ABHD17C: variants seen among roughly 807,000 people sequenced by gnomAD.
ABHD17C encodes the protein abhydrolase domain containing 17C, depalmitoylase.
In ABHD17C, 11 loss-of-function variants were observed where a neutral mutation model predicts 27.9. That is an observed-to-expected ratio of 0.39 (90% CI 0.25 to 0.65). The LOEUF (loss-of-function observed/expected upper bound fraction) is 0.65, where lower values mean the gene tolerates loss of function less well. Among genes scored for constraint, ABHD17C ranks in the 30% least tolerant of loss-of-function variants. The pLI is 0.45. For missense variants in ABHD17C, 280 were observed against 470.2 expected (o/e 0.60, Z 3.74); for synonymous variants, 233 against 209.1 (o/e 1.11, Z -0.98).
rs540502176 is a variant in ABHD17C, at chr15:80,725,983, G to A, written c.591-23530G>A. ...CAGGGGTCTCACAGCCTTCAGAGCCGAGAGCCCCGAACAGAGATTTACCCA... is the reference window on the plus strand; with the variant it reads ...CAGGGGTCTCACAGCCTTCAGAGCCAAGAGCCCCGAACAGAGATTTACCCA... On this transcript the variant is annotated intron_variant, in intron 1 of 2. Coordinates refer to ENST00000258884, the MANE Select transcript of ABHD17C (RefSeq NM_021214.2). Among the ~76,000 whole-genome samples, 6 of 152,282 alleles carry A rather than the reference G, an allele frequency of 3.9e-5. No homozygotes were observed. In the South Asian group the frequency reaches 8.3e-4, roughly 21 times the overall value.
At chr15:80,712,512 A>T (rs143683679) in intron 1 of ABHD17C, among the ~76,000 whole-genome samples, 1 of 152,326 alleles carries the variant, frequency 6.6e-6, no homozygotes, top group East Asian at 1.9e-4. Flanking sequence ...TATAGAAGAC[A>T]AAGCTTATTT....
At chr15:80,719,218 G>A (rs1324935253) in intron 1 of ABHD17C, among the ~76,000 whole-genome samples, 1 of 152,172 alleles carries the variant, frequency 6.6e-6, no homozygotes, top group Admixed American at 6.5e-5. Flanking sequence ...TAATAACCAG[G>A]AACAACTTTA....
chr15:80,725,382 C>A (rs1384843071), intron 1 of ABHD17C, among the ~76,000 whole-genome samples: 1 of 152,194 alleles, frequency 6.6e-6, no homozygotes, highest in East Asian at 1.9e-4. Flanking sequence ...TGATTATCTG[C>A]AGGTTCTTTA....
intron 1 of ABHD17C, among the ~76,000 whole-genome samples, chr15:80,721,342 G>C (rs1165435713): frequency 6.6e-6 from 1 of 151,742 alleles, no homozygotes; most frequent in Admixed American, 6.6e-5. Flanking sequence ...ATACCTGTCT[G>C]AGTCCTCTGT....
At chr15:80,715,930 T>A (rs1894798482) in intron 1 of ABHD17C, among the ~76,000 whole-genome samples, 1 of 152,048 alleles carries the variant, frequency 6.6e-6, no homozygotes, top group Admixed American at 6.6e-5. Flanking sequence ...AAAAAAAAAA[T>A]TTAGAGCAAT....
At chr15:80,730,305 C>T (rs13380029) in intron 1 of ABHD17C, among the ~76,000 whole-genome samples, 10 of 152,070 alleles carry the variant, frequency 6.6e-5, no homozygotes, top group African/African-American at 2.4e-4. Context: ...GTTCCCCGTC[C>T]TGCATAGCCC....
chr15:80,738,191 A>G (rs927669687), intron 1 of ABHD17C, among the ~76,000 whole-genome samples: 6 of 152,116 alleles, frequency 3.9e-5, no homozygotes, highest in African/African-American at 1.4e-4. Flanking sequence ...ATCAGAGTGT[A>G]TGCTGTTAGC....
At chr15:80,735,359 T>C (rs1895115343) in intron 1 of ABHD17C, among the ~76,000 whole-genome samples, 1 of 152,158 alleles carries the variant, frequency 6.6e-6, no homozygotes. Context: ...TCTCAACACT[T>C]ACCTATAGAA....
At chr15:80,724,499 G>T (rs899331308) in intron 1 of ABHD17C, among the ~76,000 whole-genome samples, 3 of 152,156 alleles carry the variant, frequency 2.0e-5, no homozygotes, top group Non-Finnish European at 4.4e-5. Flanking sequence ...AGTGATTTTT[G>T]ATTGATGATT....
At chr15:80,729,596 A>G (rs975639598) in intron 1 of ABHD17C, among the ~76,000 whole-genome samples, 83 of 152,322 alleles carry the variant, frequency 5.4e-4, no homozygotes, top group African/African-American at 1.9e-3. Flanking sequence ...TTAAAATTAT[A>G]TAGTTAAAAC....
intron 1 of ABHD17C, among the ~76,000 whole-genome samples, chr15:80,722,945 C>T (rs1430969315): frequency 3.3e-5 from 5 of 152,338 alleles, no homozygotes; most frequent in Non-Finnish European, 7.3e-5. Flanking sequence ...TCTACAGATT[C>T]AACCAACCTT....
chr15:80,699,276 A>T (rs1206100731), intron 1 of ABHD17C, among the ~76,000 whole-genome samples: 2 of 152,208 alleles, frequency 1.3e-5, no homozygotes, highest in African/African-American at 4.8e-5. Flanking sequence ...ATAGGTAGTC[A>T]TTGGTATTTG....
intron 1 of ABHD17C, among the ~76,000 whole-genome samples, chr15:80,741,681 A>G (rs1895213932): frequency 6.6e-6 from 1 of 152,144 alleles, no homozygotes; most frequent in African/African-American, 2.4e-5. Context: ...CAGGTAGAAG[A>G]TTTGTTCTTA....
In ABHD17C at chr15:80,728,054, C is replaced by T. The variant is rs4547291; in HGVS notation, c.591-21459C>T. 3.4e-3 allele frequency among the ~76,000 whole-genome samples: 524 copies of T among 152,224 alleles called. 4 individuals carry two copies. Among genetic ancestry groups the T allele is most frequent in the East Asian group, 7.2e-3 (37 of 5,166 alleles). On this transcript the variant is annotated intron_variant, in intron 1 of 2. Coordinates refer to ENST00000258884, the MANE Select transcript of ABHD17C (RefSeq NM_021214.2). Reference sequence around the variant, plus strand: ...TGCCTAAGAGCGTTGTGGTCTTGGGCGATTCATCTACCTGGCAGGAACCTT... The same window carrying T: ...TGCCTAAGAGCGTTGTGGTCTTGGGTGATTCATCTACCTGGCAGGAACCTT...
intron 1 of ABHD17C, among the ~76,000 whole-genome samples, chr15:80,746,066 A>G (rs898412953): frequency 2.6e-5 from 4 of 152,250 alleles, no homozygotes; most frequent in Non-Finnish European, 4.4e-5. Context: ...TCAACAGTGA[A>G]TGAGCATTCT....
chr15:80,751,075 C>A (rs980732135), intron 2 of ABHD17C, among the ~76,000 whole-genome samples: 1 of 151,716 alleles, frequency 6.6e-6, no homozygotes, highest in Non-Finnish European at 1.5e-5. Context: ...GTCAGCTGGG[C>A]GTGATTGCTC....
chr15:80,706,500 A>G (rs142028454), intron 1 of ABHD17C, among the ~76,000 whole-genome samples: 18 of 152,358 alleles, frequency 1.2e-4, no homozygotes, highest in Middle Eastern at 3.4e-3. Flanking sequence ...TTGCTCCTTC[A>G]CTTTACATGT....
intron 1 of ABHD17C, among the ~76,000 whole-genome samples, chr15:80,723,828 G>A (rs2759309): frequency 0.33 from 50,476 of 152,096 alleles, 10,257 homozygotes; most frequent in Non-Finnish European, 0.47. Flanking sequence ...TCATCCTGCT[G>A]CAGCTGAGGT....
chr15:80,709,554 A>C (rs1046006722), intron 1 of ABHD17C, among the ~76,000 whole-genome samples: 2 of 151,874 alleles, frequency 1.3e-5, no homozygotes, highest in South Asian at 4.2e-4. Context: ...GGCCTCCAGG[A>C]TATAGTTGCA....
Sources: gnomAD v4.1 joint callset for allele counts (sites outside exome capture counted in the v4.1 genomes callset) on GRCh38, gnomAD v4.1.1 for gene constraint, MANE v1.5 for transcripts, NCBI Gene and HGNC (gene_info 2026-07-23, HGNC 2026-07-21) for gene names.